CMYA5: variants seen among roughly 807,000 people sequenced by gnomAD.
The protein encoded by CMYA5 is cardiomyopathy associated 5, also known as cardiomyopathy-associated protein 5.
CMYA5 carries 246 observed loss-of-function variants against 318.9 expected under a neutral mutation model. The ratio of observed to expected loss-of-function variants is 0.77; its 90% CI spans 0.70 to 0.86. The LOEUF (loss-of-function observed/expected upper bound fraction) is 0.86. Ranked by LOEUF, CMYA5 falls within the 40% of genes least tolerant of loss-of-function variation. The pLI is 0.00. For synonymous variants in CMYA5, 1,641 were observed against 1,729.5 expected (o/e 0.95, Z 1.27); for missense variants, 4,589 against 4,678.2 (o/e 0.98, Z 0.56).
chr5:79,747,205 ATT>A, intron 5 of CMYA5, 92 bp downstream of exon 5: 1 of 1,241,410 alleles, frequency 8.1e-7, no homozygotes, highest in Admixed American at 2.9e-5. Flanking sequence ...TGAGCTGCCA[ATT>A]AAAAAATGCA....
intron 6 of CMYA5, 37 bp downstream of exon 6, chr5:79,752,831 A>G (rs774047791): frequency 6.8e-7 from 1 of 1,464,268 alleles, no homozygotes; most frequent in South Asian, 1.1e-5. Flanking sequence ...TAGATGAAAT[A>G]TGGCAGTTTT....
chr5:79,786,269 G>A (rs73125678), intron 9 of CMYA5, among the ~76,000 whole-genome samples: 1,575 of 152,282 alleles, frequency 0.01, 27 homozygotes, highest in African/African-American at 0.036. Flanking sequence ...CTGCCCTCAC[G>A]TCTCTGGGAC....
intron 11 of CMYA5, among the ~76,000 whole-genome samples, chr5:79,791,655 G>A (rs1011365370): frequency 1.3e-5 from 2 of 151,094 alleles, no homozygotes; most frequent in Non-Finnish European, 2.9e-5. Flanking sequence ...CGGAGGTGGA[G>A]GTTGCAGTGA....
intron 1 of CMYA5, among the ~76,000 whole-genome samples, chr5:79,693,053 G>A (rs1178760766): frequency 1.3e-5 from 2 of 152,234 alleles, no homozygotes; most frequent in African/African-American, 2.4e-5. Flanking sequence ...TGTGTATGAA[G>A]CACCTCAAAG....
chr5:79,695,866 T>C (rs1827057503), intron 1 of CMYA5, among the ~76,000 whole-genome samples: 1 of 152,222 alleles, frequency 6.6e-6, no homozygotes, highest in South Asian at 2.1e-4. Context: ...CCAGGCACAA[T>C]ATGTGGTTAG....
chr5:79,787,754 C>T (rs1321520462), intron 9 of CMYA5, among the ~76,000 whole-genome samples: 1 of 152,252 alleles, frequency 6.6e-6, no homozygotes, highest in African/African-American at 2.4e-5. Flanking sequence ...TGAGTTTTGT[C>T]CTTTTAGACA....
Position 79,735,110 on chromosome 5 carries a change from T to A in CMYA5, c.6345T>A (p.Asp2115Glu). The A allele has an allele frequency of 5.6e-6, 9 of 1,613,824 alleles. No individual in the cohort carries two copies. Among genetic ancestry groups the A allele is most frequent in the Non-Finnish European group, 7.6e-6 (9 of 1,179,808 alleles). The change falls in exon 2 of 13, where the codon GAT (aspartate) becomes GAA (glutamate). Residue 2115 changes from aspartate to glutamate, a missense_variant. By Grantham distance (45) the Asp-to-Glu change is conservative (BLOSUM62 2). Coordinates refer to ENST00000446378, the MANE Select transcript of CMYA5 (RefSeq NM_153610.5). ...SKMVQSKVIDDADEGKKPSPE... is the reference protein window; with the variant it reads ...SKMVQSKVIDEADEGKKPSPE... ...TGGTTCAGTCAAAGGTTATTGATGA[T>A]GCTGATGAGGGAAAGAAACCATCAC...
chr5:79,796,160 G>A (rs536692314), intron 12 of CMYA5, among the ~76,000 whole-genome samples: 5 of 152,268 alleles, frequency 3.3e-5, no homozygotes, highest in Admixed American at 3.3e-4. Context: ...CTTCCAAACA[G>A]GGGAGGAGAA....
intron 7 of CMYA5, 58 bp downstream of exon 7, chr5:79,758,960 GTA>G (rs1828591054): frequency 1.4e-6 from 2 of 1,384,484 alleles, no homozygotes; most frequent in Non-Finnish European, 1.9e-6. Context: ...TTCATGTGAA[GTA>G]TTTAAATATA....
intron 7 of CMYA5, among the ~76,000 whole-genome samples, chr5:79,760,370 G>A (rs1406244525): frequency 6.6e-6 from 1 of 152,168 alleles, no homozygotes; most frequent in Non-Finnish European, 1.5e-5. Context: ...GTTAAAGGGA[G>A]TGCCAGGGTA....
chr5:79,778,662 AGAGAT>A (rs1828989071), intron 9 of CMYA5, among the ~76,000 whole-genome samples: 1 of 151,530 alleles, frequency 6.6e-6, no homozygotes, highest in Non-Finnish European at 1.5e-5. Flanking sequence ...TTTCCTATTA[AGAGAT>A]AAGTTTCAAA....
chr5:79,711,028 A>T (rs1350227806), intron 1 of CMYA5, among the ~76,000 whole-genome samples: 1 of 152,216 alleles, frequency 6.6e-6, no homozygotes, highest in Non-Finnish European at 1.5e-5. Context: ...AAACAAAGCT[A>T]TTGAATCTCC....
chr5:79,722,795 G>A (rs4704584), intron 1 of CMYA5, among the ~76,000 whole-genome samples: 33,105 of 151,482 alleles, frequency 0.22, 6,433 homozygotes, highest in African/African-American at 0.51. Flanking sequence ...TTTAGGTCTT[G>A]TGTACATTTA....
intron 6 of CMYA5, among the ~76,000 whole-genome samples, chr5:79,758,175 A>G (rs1159561830): frequency 1.3e-5 from 2 of 151,956 alleles, no homozygotes; most frequent in African/African-American, 4.8e-5. Flanking sequence ...GGTTGCAGTC[A>G]GCCAAGATTG....
intron 1 of CMYA5, among the ~76,000 whole-genome samples, chr5:79,719,605 T>A (rs4704580): frequency 0.45 from 68,796 of 152,080 alleles, 16,650 homozygotes; most frequent in African/African-American, 0.62. Context: ...GTATTAAAGC[T>A]CCATTCATAA....
At position 79,736,705 on chromosome 5, in the gene CMYA5, A is replaced by G; in HGVS notation, c.7940A>G (p.Glu2647Gly). ...PVALSCRDEI[E>G]NHSLSQEGNL... ...GCTCTTTCTTGTCGTGATGAAATAG[A>G]GAACCACTCTTTATCTCAGGAAGGA... is the stretch of plus-strand genomic sequence containing the variant. The change falls in exon 2 of 13, where the codon GAG (glutamate) becomes GGG (glycine). Residue 2647 changes from glutamate to glycine, a missense_variant. By Grantham distance (98) the Glu-to-Gly change is moderately conservative. Around this residue, in one of 3 missense-constraint regions of CMYA5, gnomAD observed 2,431 missense variants for 2,495.1 expected, o/e 0.97. Coordinates refer to ENST00000446378, the MANE Select transcript of CMYA5 (RefSeq NM_153610.5). 1 of 1,613,524 alleles carries G rather than the reference A, an allele frequency of 6.2e-7. No individual in the cohort carries two copies. Among genetic ancestry groups the G allele is most frequent in the South Asian group, 1.1e-5 (1 of 91,054 alleles).
rs1438741453 is a variant in CMYA5, at chr5:79,689,886, C to CGGCCCA, written c.-16_-11dup. 7.7e-5 allele frequency: 56 copies of CGGCCCA among 724,454 alleles called. No homozygotes were observed. The African/African-American group carries it at 8.8e-4, about 11-fold the overall frequency. 44.9% of individuals were successfully genotyped at this position (724,454 alleles called of 1,614,324 possible). Reference sequence around the variant, plus strand: ...GCGCGGGCGGCTCCGGCTCCGGCCCCGGCCCAGGCCCGGGAGAGGCGATGG... The same window carrying CGGCCCA: ...GCGCGGGCGGCTCCGGCTCCGGCCCCGGCCCAGGCCCAGGCCCGGGAGAGGCGATGG... On this transcript the variant is annotated 5_prime_UTR_variant, in exon 1 of 13. Transcript: ENST00000446378.
At chr5:79,791,546 C>T (rs927116217) in intron 11 of CMYA5, among the ~76,000 whole-genome samples, 3 of 151,942 alleles carry the variant, frequency 2.0e-5, no homozygotes, top group Non-Finnish European at 1.5e-5. Flanking sequence ...CATGGTGAGA[C>T]TCCATCTCTA....
intron 3 of CMYA5, among the ~76,000 whole-genome samples, chr5:79,744,130 T>C (rs1828272520): frequency 6.6e-6 from 1 of 152,248 alleles, no homozygotes; most frequent in Non-Finnish European, 1.5e-5. Flanking sequence ...ATAAAAGATT[T>C]GCCGGTAACG....
Sources: gnomAD v4.1 joint callset for allele counts (sites outside exome capture counted in the v4.1 genomes callset) on GRCh38, gnomAD v4.1.1 for gene constraint, gnomAD v4.1.1 regional missense constraint, MANE v1.5 for transcripts, NCBI Gene and HGNC (gene_info 2026-07-23, HGNC 2026-07-21) for gene names.